Variants in COPG2 observed in about 807,000 individuals in gnomAD.
COPG2 encodes coat protein complex I subunit gamma 2, also known as coatomer subunit gamma-2.
COPG2 carries 37 observed loss-of-function variants against 46.3 expected under a neutral mutation model. That is an observed-to-expected ratio of 0.80 (90% CI 0.61 to 1.05). COPG2 has a LOEUF of 1.05. Ranked by LOEUF, COPG2 falls within the 50% of genes least tolerant of loss-of-function variation. The pLI is 0.00. For missense variants in COPG2, 427 were observed against 387.8 expected, an observed-to-expected ratio of 1.10 and a Z score of -0.85; for synonymous variants, 159 against 129.7, an observed-to-expected ratio of 1.23 and a Z score of -1.53.
rs1793598993 is a variant in COPG2 at position 130,555,061 on chromosome 7, G to C, written c.1200C>G (p.Phe400Leu). The change falls in exon 13 of 24, where the codon TTC becomes TTG. Residue 400 changes from phenylalanine to leucine, a missense_variant. Transcript: ENST00000425248. ...YPRKHSVMMT[F>L]LSNMLRDDGG... ...CATCATCTCGGAGCATGTTGGAGAG[G>C]AAAGTCATCATGACACTGTGCTTTC... 1.8e-5 allele frequency: 7 copies of C among 398,488 alleles called. No individual in the cohort carries two copies. In the Admixed American group the frequency reaches 3.1e-4, roughly 18 times the overall value. The allele number at this position is 398,488 out of a possible 1,614,324, so 24.7% of individuals were successfully genotyped here. A position where few individuals can be genotyped will look rare whatever the true frequency, so the allele number is the denominator to read the frequency against.
intron 20 of COPG2, among the ~76,000 whole-genome samples, chr7:130,541,385 C>T (rs1035026633): frequency 2.9e-4 from 43 of 149,854 alleles, no homozygotes; most frequent in Admixed American, 8.7e-4. Flanking sequence ...GGAAGGAGAG[C>T]GTCTTGAAGA....
chr7:130,543,472 A>G (rs922565335), intron 20 of COPG2, among the ~76,000 whole-genome samples: 1 of 152,230 alleles, frequency 6.6e-6, no homozygotes, highest in Non-Finnish European at 1.5e-5. Flanking sequence ...TCAGGAGAAT[A>G]AACGGTCCCA....
chr7:130,534,891 C>T (rs899820831), intron 20 of COPG2, among the ~76,000 whole-genome samples: 1 of 151,746 alleles, frequency 6.6e-6, no homozygotes, highest in African/African-American at 2.4e-5. Context: ...GAGGAAGTAG[C>T]GGGACTGGCT....
rs1016645180 is a variant in COPG2, at chr7:130,515,652, G to T, written c.2150-6993C>A. Among the ~76,000 whole-genome samples the T allele has an allele frequency of 4.9e-4, 74 of 152,106 alleles. 1 individual carries two copies. Among genetic ancestry groups the T allele is most frequent in the African/African-American group, 1.7e-3 (70 of 41,476 alleles). On this transcript the variant is annotated intron_variant, in intron 20 of 23. Transcript: ENST00000425248. ...CCTCTGCTAGCAACTGTTGTGTTAG[G>T]GTCAGCTGAAAATTAAAAGAAGCAA...
chr7:130,626,118 A>T (rs1346692915), intron 5 of COPG2, among the ~76,000 whole-genome samples: 2 of 152,208 alleles, frequency 1.3e-5, no homozygotes, highest in Non-Finnish European at 2.9e-5. Context: ...GAACATTCAA[A>T]ATCCTCTCTG....
At chr7:130,634,137 T>C (rs1795285815) in intron 5 of COPG2, among the ~76,000 whole-genome samples, 3 of 152,226 alleles carry the variant, frequency 2.0e-5, no homozygotes, top group Admixed American at 6.5e-5. Flanking sequence ...GTAGTATAGT[T>C]TGAAGTCAGG....
At chr7:130,541,326 G>T (rs1006021094) in intron 20 of COPG2, among the ~76,000 whole-genome samples, 3 of 151,982 alleles carry the variant, frequency 2.0e-5, no homozygotes, top group Non-Finnish European at 4.4e-5. Flanking sequence ...GAGAGCAGGG[G>T]ATCTGTTGTC....
In COPG2 at chr7:130,513,373, A is replaced by ATG. The variant is rs1331023317; in HGVS notation, c.2150-4715_2150-4714insCA. Among the ~76,000 whole-genome samples the ATG allele has an allele frequency of 1.0e-3, 49 of 47,046 alleles. 3 individuals are homozygous for ATG. The highest frequency in any genetic ancestry group is 1.3e-3 in the African/African-American group (29 of 22,102). 30.9% of individuals were successfully genotyped at this position (47,046 alleles called of 152,430 possible). A position where few individuals can be genotyped will look rare whatever the true frequency, so the allele number is the denominator to read the frequency against. On this transcript the variant is annotated intron_variant, in intron 20 of 23. Transcript: ENST00000425248. ...TGTGTGTGTGTGTATATATATATATATATGTGTGTGTGTGTGTATATATAT... is the reference window on the plus strand; with the variant it reads ...TGTGTGTGTGTGTATATATATATATATGTATGTGTGTGTGTGTGTATATATAT...
chr7:130,577,644 C>T (rs1354856718), intron 9 of COPG2, among the ~76,000 whole-genome samples: 1 of 151,306 alleles, frequency 6.6e-6, no homozygotes, highest in East Asian at 1.9e-4. Flanking sequence ...GCCTGTAGTC[C>T]CAGCTACTCG....
intron 9 of COPG2, among the ~76,000 whole-genome samples, chr7:130,579,936 C>T (rs1377840314): frequency 6.6e-6 from 1 of 151,690 alleles, no homozygotes; most frequent in Admixed American, 6.6e-5. Context: ...GACAGATCAA[C>T]GAGACAGAAA....
At chr7:130,588,723 C>G (rs1794336359) in intron 9 of COPG2, among the ~76,000 whole-genome samples, 1 of 151,998 alleles carries the variant, frequency 6.6e-6, no homozygotes, top group Non-Finnish European at 1.5e-5. Context: ...GTGCAGCACA[C>G]CAGCATGGCA....
chr7:130,604,474 T>C (rs891630670), intron 9 of COPG2, among the ~76,000 whole-genome samples: 1 of 152,200 alleles, frequency 6.6e-6, no homozygotes, highest in Admixed American at 6.5e-5. Context: ...TTTTACAAAA[T>C]TTTATCTTTT....
chr7:130,644,794 G>C (rs1425127787), intron 5 of COPG2, among the ~76,000 whole-genome samples: 5 of 152,178 alleles, frequency 3.3e-5, no homozygotes, highest in Non-Finnish European at 7.4e-5. Context: ...GGGCGCAGTG[G>C]CTCACGCCTG....
intron 9 of COPG2, among the ~76,000 whole-genome samples, chr7:130,587,242 C>T (rs557504676): frequency 9.3e-4 from 141 of 151,690 alleles, no homozygotes; most frequent in African/African-American, 3.1e-3. Flanking sequence ...AGAAGGTGGA[C>T]GCTACAGTGA....
intron 20 of COPG2, chr7:130,510,932 A>G: frequency 3.8e-6 from 2 of 520,072 alleles, no homozygotes; most frequent in South Asian, 2.8e-5. Flanking sequence ...CAAGGCAAAT[A>G]CCAAAGAGAA....
chr7:130,575,970 A>G (rs1793992525), intron 9 of COPG2, among the ~76,000 whole-genome samples: 1 of 152,230 alleles, frequency 6.6e-6, no homozygotes. Context: ...AAAAGAGACA[A>G]AGGGGTACAT....
chr7:130,622,537 GTCTAA>G (rs200118315), intron 5 of COPG2, among the ~76,000 whole-genome samples: 2,281 of 152,228 alleles, frequency 0.015, 26 homozygotes, highest in Non-Finnish European at 0.022. Flanking sequence ...CCTCCATTAA[GTCTAA>G]TCTATCATGG....
At chr7:130,514,955 T>C (rs1799667496) in intron 20 of COPG2, among the ~76,000 whole-genome samples, 1 of 152,126 alleles carries the variant, frequency 6.6e-6, no homozygotes, top group Non-Finnish European at 1.5e-5. Flanking sequence ...AGGAAAGACC[T>C]GAATAGGAAT....
intron 5 of COPG2, among the ~76,000 whole-genome samples, chr7:130,629,701 C>T (rs1795190441): frequency 6.6e-6 from 1 of 151,752 alleles, no homozygotes; most frequent in Non-Finnish European, 1.5e-5. Context: ...TAGCCCTTCT[C>T]CTGGAATTCT....
Sources: gnomAD v4.1 joint callset for allele counts (sites outside exome capture counted in the v4.1 genomes callset) on GRCh38, gnomAD v4.1.1 for gene constraint, MANE v1.5 for transcripts, NCBI Gene and HGNC (gene_info 2026-07-23, HGNC 2026-07-21) for gene names.